Variants in PLCH2 observed in about 807,000 individuals in gnomAD.
PLCH2 encodes the protein phospholipase C eta 2.
In PLCH2, 98 loss-of-function variants were observed where a neutral mutation model predicts 134.7. The ratio of observed to expected loss-of-function variants is 0.73; its 90% CI spans 0.62 to 0.86. The LOEUF (loss-of-function observed/expected upper bound fraction) is 0.86. Ranked by LOEUF, PLCH2 falls within the 40% of genes least tolerant of loss-of-function variation. PLCH2 has a pLI of 0.00. For missense variants in PLCH2, 1,994 were observed against 1,986.6 expected (o/e 1.00, Z -0.07); for synonymous variants, 974 against 827.5 (o/e 1.18, Z -3.04).
upstream of PLCH2, among the ~76,000 whole-genome samples, chr1:2,472,436 C>T (rs377193985): frequency 1.9e-4 from 29 of 152,232 alleles, no homozygotes; most frequent in Non-Finnish European, 3.4e-4. Context: ...GCTGGGGCTG[C>T]GAGGGGCAGG....
At chr1:2,455,234 G>A (rs774088174) in intron 2 of PLCH2, among the ~76,000 whole-genome samples, 4 of 152,196 alleles carry the variant, frequency 2.6e-5, no homozygotes, top group African/African-American at 7.2e-5. Flanking sequence ...GGACGGGCGG[G>A]CACCTGGAAC....
chr1:2,479,656 C>G, intron 2 of PLCH2, 78 bp from the exon 3 acceptor site: 1 of 1,441,820 alleles, frequency 6.9e-7, no homozygotes, highest in Non-Finnish European at 9.3e-7. Context: ...GCTGCTTGGT[C>G]TCCGCAGTGT....
chr1:2,488,521 G>A (rs1444108523), intron 8 of PLCH2, among the ~76,000 whole-genome samples: 1 of 152,242 alleles, frequency 6.6e-6, no homozygotes, highest in Non-Finnish European at 1.5e-5. Context: ...CCACATCACA[G>A]GACTTGCTCA....
Position 2,480,321 on chromosome 1 carries a change from G to T in PLCH2, c.645+9G>T, listed in dbSNP as rs1441304884. On this transcript the variant is annotated intron_variant, in intron 4 of 21. Coordinates refer to ENST00000378486, the MANE Select transcript of PLCH2 (RefSeq NM_014638.4). ...TGAAGCAGATGTTCAGGGTGAGCTGGGGGGAGCCCTACCTGGGCTCCAGAG... is the reference window on the plus strand; with the variant it reads ...TGAAGCAGATGTTCAGGGTGAGCTGTGGGGAGCCCTACCTGGGCTCCAGAG... The T allele has an allele frequency of 1.9e-6, 3 of 1,610,336 alleles. No individual in the cohort carries two copies. The highest frequency in any genetic ancestry group is 2.2e-5 in the East Asian group (1 of 44,824).
In PLCH2 at chr1:2,505,212, GA is replaced by G; in HGVS notation, c.4251del (p.Ter1417CysfsTer81). The G allele has an allele frequency of 6.4e-7, 1 of 1,567,256 alleles. No homozygotes were observed. Among genetic ancestry groups the G allele is most frequent in the Non-Finnish European group, 8.6e-7 (1 of 1,166,290 alleles). On this transcript the variant is annotated frameshift_variant and stop_lost, in exon 22 of 22. Coordinates refer to ENST00000378486, the MANE Select transcript of PLCH2 (RefSeq NM_014638.4). LOFTEE classifies it high-confidence loss of function. ...AAENLVLLRL[*>X] ...GAAAACCTGGTCCTGCTCCGCCTCT[GA>G]CCGTCAGTGGTGGGAACCTGGGCGG...
chr1:2,419,241 G>C, the PLCH2 span, among the ~76,000 whole-genome samples: 1 of 152,346 alleles, frequency 6.6e-6, no homozygotes, highest in East Asian at 1.9e-4. Flanking sequence ...TCAATCCACA[G>C]TGGAGGCCTT....
intron 1 of PLCH2, among the ~76,000 whole-genome samples, chr1:2,468,693 C>A (rs187435569): frequency 9.8e-5 from 15 of 152,348 alleles, no homozygotes; most frequent in African/African-American, 3.4e-4. Context: ...TGGTTTGGAA[C>A]CTGCTTGTTC....
At chr1:2,470,695 G>A (rs1641283715) in intron 1 of PLCH2, among the ~76,000 whole-genome samples, 1 of 152,162 alleles carries the variant, frequency 6.6e-6, no homozygotes, top group Non-Finnish European at 1.5e-5. Flanking sequence ...GGCAGGGCTG[G>A]CTCTGACCAC....
chr1:2,476,661 T>C lies in PLCH2; in HGVS notation c.73T>C (p.Trp25Arg), dbSNP rs762825507. ...TVAWLAEVLLWVGGSVVLSSE... is the reference protein window; with the variant it reads ...TVAWLAEVLLRVGGSVVLSSE... The stretch of plus-strand genomic sequence containing the variant: ...GGCCTGGCTGGCGGAGGTACTCCTC[T>C]GGGTTGGAGGGAGTGTGGTGCTGTC... Residue 25 changes from tryptophan (W) to arginine (R), a missense_variant, in exon 1 of 22, where the codon TGG (tryptophan) becomes CGG (arginine). By Grantham distance (101) the Trp-to-Arg change is moderately radical. Coordinates refer to ENST00000378486, the MANE Select transcript of PLCH2 (RefSeq NM_014638.4). The C allele has an allele frequency of 6.2e-7, 1 of 1,610,086 alleles. No individual in the cohort carries two copies. The highest frequency in any genetic ancestry group is 2.2e-5 in the East Asian group (1 of 44,694).
At chr1:2,459,632 GCCTGTGGTCTTCCTTT>G (rs1557970319) in intron 2 of PLCH2, among the ~76,000 whole-genome samples, 2 of 5,866 alleles carry the variant, frequency 3.4e-4, no homozygotes, top group South Asian at 0.02. Flanking sequence ...GGTCCTCCTT[GCCTGTGGTCTTCCTTT>G]CCGGTGGTCC....
upstream of PLCH2, among the ~76,000 whole-genome samples, chr1:2,421,920 G>A (rs1638533893): frequency 6.6e-6 from 1 of 152,020 alleles, no homozygotes; most frequent in East Asian, 1.9e-4. Context: ...GCTGCAGTGA[G>A]CCAAGATCAC....
At chr1:2,474,756 A>G, upstream of PLCH2, among the ~76,000 whole-genome samples, 1 of 152,136 alleles carries the variant, frequency 6.6e-6, no homozygotes, top group East Asian at 1.9e-4. Flanking sequence ...TCTGAGGTGC[A>G]GGAAGGAGAA....
At chr1:2,478,408 G>T in intron 1 of PLCH2, 68 bp from the exon 2 acceptor site, 1 of 1,577,532 alleles carries the variant, frequency 6.3e-7, no homozygotes, top group Non-Finnish European at 8.7e-7. Flanking sequence ...TGCCTCCGCT[G>T]ACGGCCGTGT....
chr1:2,433,289 G>A (rs1357306989), intron 2 of PLCH2, among the ~76,000 whole-genome samples: 1 of 152,232 alleles, frequency 6.6e-6, no homozygotes, highest in African/African-American at 2.4e-5. Flanking sequence ...GTTTTGTGGG[G>A]CTGACTGCAT....
Position 2,504,396 on chromosome 1 carries a change from C to T in PLCH2, c.3434C>T (p.Ser1145Phe). The T allele has an allele frequency of 6.2e-7, 1 of 1,612,528 alleles. No homozygotes were observed. Among genetic ancestry groups the T allele is most frequent in the African/African-American group, 1.3e-5 (1 of 75,056 alleles). Residue 1145 changes from serine to phenylalanine, a missense_variant, in exon 22 of 22, where the codon TCC becomes TTC. By Grantham distance (155) the Ser-to-Phe change is radical. Around this residue, in one of 2 missense-constraint regions of PLCH2, gnomAD observed 900 missense variants for 752.3 expected, o/e 1.20. Transcript: ENST00000378486. ...EPCGHRDSVSSSSSMSSSDTV... is the reference protein window; with the variant it reads ...EPCGHRDSVSFSSSMSSSDTV... ...TGTGGCCACCGAGACAGCGTTTCCTCCTCCTCCAGCATGTCATCCAGCGAC... is the reference window on the plus strand; with the variant it reads ...TGTGGCCACCGAGACAGCGTTTCCTTCTCCTCCAGCATGTCATCCAGCGAC...
rs140584649 is a variant in PLCH2 at position 2,483,869 on chromosome 1, C to T, written c.646-579C>T. 2.9e-4 allele frequency among the ~76,000 whole-genome samples: 33 copies of T among 112,446 alleles called. 5 individuals are homozygous for T. The highest frequency in any genetic ancestry group is 1.1e-3 in the African/African-American group (30 of 27,778). 73.8% of individuals were successfully genotyped at this position (112,446 alleles called of 152,430 possible). ...GACCCCCGTGTGGGGTGGCGCTGAC[C>T]CCCGTGTGGGTGGCGCTGACTCCCG... On this transcript the variant is annotated intron_variant, in intron 4 of 21. Coordinates refer to ENST00000378486, the MANE Select transcript of PLCH2 (RefSeq NM_014638.4).
Position 2,502,654 on chromosome 1 carries a change from T to G in PLCH2, c.2959+245T>G, listed in dbSNP as rs1202434028. On this transcript the variant is annotated intron_variant, in intron 21 of 21. Coordinates refer to ENST00000378486, the MANE Select transcript of PLCH2 (RefSeq NM_014638.4). ...CTGACTCACTGGGGGCCCCCTGCTG[T>G]GGCCTGGACCCTCACGCTATCCCGG... 4.4e-6 allele frequency: 3 copies of G among 679,914 alleles called. No individual in the cohort carries two copies. In the African/African-American group the frequency reaches 5.4e-5, roughly 12 times the overall value. 42.1% of individuals were successfully genotyped at this position (679,914 alleles called of 1,614,324 possible). A position where few individuals can be genotyped will look rare whatever the true frequency, so the allele number is the denominator to read the frequency against.
At chr1:2,427,508 C>G (rs537914933) in intron 1 of PLCH2, among the ~76,000 whole-genome samples, 63 of 152,306 alleles carry the variant, frequency 4.1e-4, no homozygotes, top group African/African-American at 1.4e-3. Context: ...GAGAGGGAGC[C>G]CCTCTGTGAC....
chr1:2,499,050 C>T (rs1445869387), intron 18 of PLCH2, 34 bp from the exon 19 acceptor site: 1 of 1,593,718 alleles, frequency 6.3e-7, no homozygotes, highest in South Asian at 1.1e-5. Flanking sequence ...CGGGCCCTCC[C>T]CATGGGACAC....
Sources: gnomAD v4.1 joint callset for allele counts (sites outside exome capture counted in the v4.1 genomes callset) on GRCh38, gnomAD v4.1.1 for gene constraint, gnomAD v4.1.1 regional missense constraint, MANE v1.5 for transcripts, NCBI Gene and HGNC (gene_info 2026-07-23, HGNC 2026-07-21) for gene names.